NLRP14: variants seen among roughly 807,000 people sequenced by gnomAD.
The protein encoded by NLRP14 is NACHT, LRR and PYD domains-containing protein 14.
In NLRP14, 105 loss-of-function variants were observed where a neutral mutation model predicts 94.7. The observed-to-expected ratio is 1.11, with a 90% CI of 0.95 to 1.30. The LOEUF (loss-of-function observed/expected upper bound fraction) is 1.30, where lower values mean the gene tolerates loss of function less well. Ranked by LOEUF, NLRP14 falls within the 50% of genes most tolerant of loss-of-function variation. The probability of loss-of-function intolerance (pLI) is 0.00; values close to 1 mark genes in which losing one functional copy is unlikely to be tolerated. For synonymous variants in NLRP14, 508 were observed against 459.9 expected, an observed-to-expected ratio of 1.10 and a Z score of -1.34; for missense variants, 1,362 against 1,254.1, an observed-to-expected ratio of 1.09 and a Z score of -1.30.
the NLRP14 span, among the ~76,000 whole-genome samples, chr11:7,084,942 T>C: frequency 2.0e-5 from 3 of 152,134 alleles, no homozygotes; most frequent in African/African-American, 7.2e-5. Context: ...GTGTCAAAAT[T>C]GAATTATAGG....
At chr11:7,039,919 C>T (rs1852222517) in intron 3 of NLRP14, 134 bp downstream of exon 3, 2 of 764,192 alleles carry the variant, frequency 2.6e-6, no homozygotes, top group Non-Finnish European at 2.3e-6. Flanking sequence ...CTGAATGTCA[C>T]CCAAAAAGGA....
At chr11:7,088,710 A>T in the NLRP14 span, among the ~76,000 whole-genome samples, 2 of 152,070 alleles carry the variant, frequency 1.3e-5, no homozygotes, top group African/African-American at 4.8e-5. Flanking sequence ...AATTCATACT[A>T]TTTTTTTCTG....
intron 6 of NLRP14, among the ~76,000 whole-genome samples, chr11:7,051,474 CTT>C (rs1852440785): frequency 6.6e-6 from 1 of 152,190 alleles, no homozygotes; most frequent in Non-Finnish European, 1.5e-5. Context: ...ATCAGTAGGA[CTT>C]TGCCAGTCTG....
rs1589869731 is a variant in NLRP14 at position 7,058,552 on chromosome 11, C to G, written c.2633+102C>G. ...ACACATTCTGTCCCTTGCTTTTTCC[C>G]TGTTACCCTTAATGAAGAAGGTGAA... is the stretch of plus-strand genomic sequence containing the variant. On this transcript the variant is annotated intron_variant, in intron 8 of 11. Coordinates refer to ENST00000299481, the MANE Select transcript of NLRP14 (RefSeq NM_176822.4). 1.4e-5 allele frequency: 12 copies of G among 873,734 alleles called. No individual in the cohort carries two copies. The East Asian group carries it at 3.2e-4, about 23-fold the overall frequency. 54.1% of individuals were successfully genotyped at this position (873,734 alleles called of 1,614,324 possible).
the NLRP14 span, among the ~76,000 whole-genome samples, chr11:7,080,689 A>T: frequency 6.6e-6 from 1 of 152,332 alleles, no homozygotes; most frequent in South Asian, 2.1e-4. Flanking sequence ...CCAATATTCA[A>T]ATGTTATATG....
chr11:7,060,310 C>G (rs1852596907), intron 9 of NLRP14, among the ~76,000 whole-genome samples: 1 of 151,948 alleles, frequency 6.6e-6, no homozygotes, highest in Admixed American at 6.6e-5. Context: ...GAACAGTGGC[C>G]ATTTTATTCT....
intron 1 of NLRP14, among the ~76,000 whole-genome samples, chr11:7,037,396 T>C (rs1852176443): frequency 1.3e-5 from 2 of 152,170 alleles, no homozygotes; most frequent in Admixed American, 1.3e-4. Flanking sequence ...TATACTTTTA[T>C]TTCCCCCATC....
At position 7,042,622 on chromosome 11, in the gene NLRP14, A is replaced by G; in HGVS notation, c.596A>G (p.Asp199Gly). 3 of 1,614,248 alleles carry G rather than the reference A, an allele frequency of 1.9e-6. No homozygotes were observed. The highest frequency in any genetic ancestry group is 2.5e-6 in the Non-Finnish European group (3 of 1,180,048). The change falls in exon 4 of 12, where the codon GAT becomes GGT. Residue 199 changes from aspartate (D) to glycine (G), a missense_variant. Asp to Gly is a moderately conservative substitution (Grantham distance 94, BLOSUM62 -1). Transcript: ENST00000299481. ...ACCTTGGTGAGAAAGGCAATGTTAG[A>G]TTGGGCAGAGGGCAGTCTCTACCAG... ...KTTLVRKAMLDWAEGSLYQQR... is the reference protein window; with the variant it reads ...KTTLVRKAMLGWAEGSLYQQR...
chr11:7,059,999 A>G lies in NLRP14; in HGVS notation c.2739A>G (p.Gln913=). 6.2e-7 allele frequency: 1 copy of G among 1,612,882 alleles called. No individual in the cohort carries two copies. Among genetic ancestry groups the G allele is most frequent in the Non-Finnish European group, 8.5e-7 (1 of 1,179,066 alleles). Residue 913 remains glutamine, a synonymous_variant, in exon 9 of 12, where the codon CAA becomes CAG. Coordinates refer to ENST00000299481, the MANE Select transcript of NLRP14 (RefSeq NM_176822.4). The stretch of plus-strand genomic sequence containing the variant: ...TGGATCTAGGATCAAACTGGCTACA[A>G]GACAATGGAGTGAAGCTTCTGTGTG... The part of the protein sequence containing the change: ...THLDLGSNWL[Q]DNGVKLLCDV...
In NLRP14 at chr11:7,071,214, T is replaced by A. The variant is rs376944042; in HGVS notation, c.3188T>A (p.Leu1063Gln). 6.2e-7 allele frequency: 1 copy of A among 1,613,870 alleles called. No individual in the cohort carries two copies. Among genetic ancestry groups the A allele is most frequent in the African/African-American group, 1.3e-5 (1 of 74,996 alleles). The change falls in exon 12 of 12, where the codon CTG (leucine) becomes CAG (glutamine). Residue 1063 changes from leucine (L) to glutamine (Q), a missense_variant. By Grantham distance (113) the Leu-to-Gln change is moderately radical. Coordinates refer to ENST00000299481, the MANE Select transcript of NLRP14 (RefSeq NM_176822.4). ...TTTGATGAGGAAGCCCAGAAGCTGC[T>A]GGAAGCTGTGGGAGTTAGCAATCCA... ...EAFDEEAQKL[L>Q]EAVGVSNPHL...
chr11:7,062,350 T>C lies in NLRP14; in HGVS notation c.2822T>C (p.Leu941Pro), dbSNP rs755916608. ...TCTTACAGATTGATGGGCTGTGTTC[T>C]CACTAATGCATGTTGTCTGGATCTG... ...LQDLELMGCV[L>P]TNACCLDLAS... The change falls in exon 10 of 12, where the codon CTC (leucine) becomes CCC (proline). Residue 941 changes from leucine to proline, a missense_variant. Leu to Pro is a moderately conservative substitution (Grantham distance 98). Transcript: ENST00000299481. 6 of 1,612,874 alleles carry C rather than the reference T, an allele frequency of 3.7e-6. No individual in the cohort carries two copies. In the South Asian group the frequency reaches 5.5e-5, roughly 15 times the overall value.
At chr11:7,071,096 A>G (rs1227591523) in intron 11 of NLRP14, 77 bp from the exon 12 acceptor site, 5 of 1,547,992 alleles carry the variant, frequency 3.2e-6, no homozygotes, top group South Asian at 1.1e-5. Flanking sequence ...TTCTCCTGAA[A>G]TAAATCCTTT....
At chr11:7,056,490 A>C (rs2119671551) in intron 6 of NLRP14, among the ~76,000 whole-genome samples, 1 of 142,770 alleles carries the variant, frequency 7.0e-6, no homozygotes, top group Non-Finnish European at 1.5e-5. Context: ...GCAGTCCCAT[A>C]GCTGAAATTC....
Position 7,057,723 on chromosome 11 carries a change from A to G in NLRP14, c.2338A>G (p.Asn780Asp), listed in dbSNP as rs1330207404. 21 of 1,612,256 alleles carry G rather than the reference A, an allele frequency of 1.3e-5. No homozygotes were observed. The highest frequency in any genetic ancestry group is 3.3e-5 in the Admixed American group (2 of 59,934). ...TGTATTTTGTTGTCTAAATATATCT[A>G]ATGCTCTCATCAGAAGCCAGAGCCT... ...LTVFCCLNIS[N>D]ALIRSQSLIF... Residue 780 changes from asparagine to aspartate, a missense_variant, in exon 7 of 12, where the codon AAT becomes GAT. Transcript: ENST00000299481.
intron 3 of NLRP14, among the ~76,000 whole-genome samples, chr11:7,041,767 T>A (rs1239783659): frequency 3.3e-5 from 5 of 152,192 alleles, no homozygotes; most frequent in African/African-American, 9.7e-5. Flanking sequence ...AGCGATGAGG[T>A]TCAGAGAGGT....
chr11:7,038,482 T>A (rs2119597731), intron 1 of NLRP14, 84 bp from the exon 2 acceptor site: 1 of 1,120,968 alleles, frequency 8.9e-7, no homozygotes, highest in South Asian at 1.3e-5. Context: ...AATTAATCTA[T>A]ATAAGTATTT....
At position 7,037,953 on chromosome 11, in the gene NLRP14, G is replaced by T. The variant is rs994832699; in HGVS notation, c.-21-613G>T. On this transcript the variant is annotated intron_variant, in intron 1 of 11. Coordinates refer to ENST00000299481, the MANE Select transcript of NLRP14 (RefSeq NM_176822.4). ...TGGTGTTGGGGAAAGTGCATGAAAG[G>T]AGCTTGTGTACTACAAAAGACCCTC... Among the ~76,000 whole-genome samples the T allele has an allele frequency of 3.3e-5, 5 of 152,304 alleles. 1 individual carries two copies. Among genetic ancestry groups the T allele is most frequent in the Admixed American group, 3.3e-4 (5 of 15,294 alleles).
At position 7,071,200 on chromosome 11, in the gene NLRP14, A is replaced by G; in HGVS notation, c.3174A>G (p.Glu1058=). ...LGLCKEAFDE[E]AQKLLEAVGV... ...TGTGCAAAGAGGCATTTGATGAGGA[A>G]GCCCAGAAGCTGCTGGAAGCTGTGG... is the stretch of plus-strand genomic sequence containing the variant. Residue 1058 remains glutamate (E), a synonymous_variant, in exon 12 of 12, where the codon GAA becomes GAG. Transcript: ENST00000299481. 6.2e-7 allele frequency: 1 copy of G among 1,613,984 alleles called. No homozygotes were observed. The highest frequency in any genetic ancestry group is 2.2e-5 in the East Asian group (1 of 44,810).
chr11:7,064,914 A>G (rs1852682419), intron 10 of NLRP14, among the ~76,000 whole-genome samples: 1 of 151,590 alleles, frequency 6.6e-6, no homozygotes, highest in Non-Finnish European at 1.5e-5. Flanking sequence ...TGGTGCGTGG[A>G]TCTGTTCCTG....
Sources: gnomAD v4.1 joint callset for allele counts (sites outside exome capture counted in the v4.1 genomes callset) on GRCh38, gnomAD v4.1.1 for gene constraint, MANE v1.5 for transcripts, NCBI Gene and HGNC (gene_info 2026-07-23, HGNC 2026-07-21) for gene names.